Variants in PHACTR1 observed in about 807,000 individuals in gnomAD.
The protein encoded by PHACTR1 is RPEL repeat containing 1.
PHACTR1 carries 16 observed loss-of-function variants against 69.2 expected under a neutral mutation model. The observed-to-expected ratio is 0.23, with a 90% CI of 0.16 to 0.35. The LOEUF (loss-of-function observed/expected upper bound fraction) is 0.35. Ranked by LOEUF, PHACTR1 falls within the 10% of genes least tolerant of loss-of-function variation. The probability of loss-of-function intolerance (pLI) is 1.00; values close to 1 mark genes in which losing one functional copy is unlikely to be tolerated. For missense variants in PHACTR1, 510 were observed against 734.7 expected (o/e 0.69, Z 3.54); for synonymous variants, 312 against 284.5 (o/e 1.10, Z -0.97).
chr6:13,175,763 C>A (rs1761234547), intron 6 of PHACTR1, among the ~76,000 whole-genome samples: 1 of 152,190 alleles, frequency 6.6e-6, no homozygotes, highest in South Asian at 2.1e-4. Context: ...TCTGAACCAT[C>A]TTCTGTCTCT....
At position 13,169,556 on chromosome 6, in the gene PHACTR1, A is replaced by G. The variant is rs1280466055; in HGVS notation, c.496+9272A>G. ...GAGTAAGAAGGACCCTCAAAAACTA[A>G]GAAGTGGTCAAAAAATAGGAGGTCA... On this transcript the variant is annotated intron_variant, in intron 6 of 14. Transcript: ENST00000332995. Among the ~76,000 whole-genome samples the G allele has an allele frequency of 2.0e-5, 3 of 152,200 alleles. No homozygotes were observed. The South Asian group carries it at 6.2e-4, about 32-fold the overall frequency.
intron 5 of PHACTR1, among the ~76,000 whole-genome samples, chr6:13,091,878 A>G (rs1485391383): frequency 6.6e-6 from 1 of 152,058 alleles, no homozygotes; most frequent in Admixed American, 6.5e-5. Context: ...GCTCACTGCA[A>G]CCTCTGCCTC....
intron 4 of PHACTR1, among the ~76,000 whole-genome samples, chr6:12,897,603 A>G (rs1046971154): frequency 6.6e-6 from 1 of 151,988 alleles, no homozygotes; most frequent in African/African-American, 2.4e-5. Context: ...TATATCCTCA[A>G]TTTGGCTGTA....
intron 5 of PHACTR1, among the ~76,000 whole-genome samples, chr6:13,126,354 C>T (rs1247669476): frequency 6.6e-6 from 1 of 152,116 alleles, no homozygotes; most frequent in Non-Finnish European, 1.5e-5. Context: ...TCACTATTTA[C>T]TTCTTAAAAT....
At chr6:12,795,342 T>G (rs1772840997) in intron 4 of PHACTR1, among the ~76,000 whole-genome samples, 1 of 152,226 alleles carries the variant, frequency 6.6e-6, no homozygotes, top group South Asian at 2.1e-4. Flanking sequence ...CTCGGGTAAC[T>G]AGCTGTGTCA....
intron 4 of PHACTR1, among the ~76,000 whole-genome samples, chr6:13,042,048 TAA>T (rs1307581492): frequency 2.0e-5 from 3 of 152,328 alleles, no homozygotes; most frequent in Non-Finnish European, 4.4e-5. Context: ...GTGATTAAAT[TAA>T]GTTTGGAAAA....
intron 6 of PHACTR1, among the ~76,000 whole-genome samples, chr6:13,174,359 C>T (rs547892109): frequency 2.2e-4 from 33 of 152,324 alleles, no homozygotes; most frequent in African/African-American, 7.5e-4. Flanking sequence ...CTAACTATAG[C>T]CATAGGTGAT....
At chr6:12,983,052 TGAGAACAAAAC>T (rs982354954) in intron 4 of PHACTR1, among the ~76,000 whole-genome samples, 64 of 152,364 alleles carry the variant, frequency 4.2e-4, no homozygotes, top group African/African-American at 1.2e-3. Context: ...GTAGAAAAGC[TGAGAACAAAAC>T]CAATGCTTGA....
chr6:12,905,251 G>A (rs1177095070), intron 4 of PHACTR1, among the ~76,000 whole-genome samples: 1 of 152,218 alleles, frequency 6.6e-6, no homozygotes, highest in East Asian at 1.9e-4. Context: ...CTCATAGGAA[G>A]TCAAAGGTTT....
At chr6:13,029,581 T>C (rs1802169290) in intron 4 of PHACTR1, among the ~76,000 whole-genome samples, 1 of 152,128 alleles carries the variant, frequency 6.6e-6, no homozygotes, top group Non-Finnish European at 1.5e-5. Flanking sequence ...GCTACAAAAA[T>C]AGATGGAGGA....
At chr6:13,064,600 ATATATCTATATATC>A (rs1450532170) in intron 5 of PHACTR1, among the ~76,000 whole-genome samples, 118 of 7,510 alleles carry the variant, frequency 0.016, 13 homozygotes, top group South Asian at 0.034. Context: ...ATATATATAT[ATATATCTATATATC>A]TATCTATCCA....
At chr6:12,962,982 A>G (rs1792941587) in intron 4 of PHACTR1, among the ~76,000 whole-genome samples, 1 of 152,214 alleles carries the variant, frequency 6.6e-6, no homozygotes, top group Non-Finnish European at 1.5e-5. Context: ...ACCTCAGCAC[A>G]TGCATGCACA....
chr6:13,130,821 C>T (rs1820291250), intron 5 of PHACTR1, among the ~76,000 whole-genome samples: 1 of 152,040 alleles, frequency 6.6e-6, no homozygotes, highest in Admixed American at 6.5e-5. Flanking sequence ...GCCAGTATCA[C>T]TCTAATTCCA....
At chr6:13,257,625 G>T (rs429029) in intron 10 of PHACTR1, among the ~76,000 whole-genome samples, 23,084 of 152,116 alleles carry the variant, frequency 0.15, 2,315 homozygotes, top group Admixed American at 0.26. Flanking sequence ...CAAATCTCAC[G>T]TTTTCCCTTG....
At chr6:13,259,654 T>C (rs1775643714) in intron 10 of PHACTR1, among the ~76,000 whole-genome samples, 1 of 152,214 alleles carries the variant, frequency 6.6e-6, no homozygotes, top group Admixed American at 6.5e-5. Flanking sequence ...TAGATGTCAT[T>C]ATGACCATTT....
intron 3 of PHACTR1, among the ~76,000 whole-genome samples, chr6:12,748,343 G>C (rs561504958): frequency 6.6e-6 from 1 of 152,142 alleles, no homozygotes; most frequent in Non-Finnish European, 1.5e-5. Flanking sequence ...AGTGGAGAGG[G>C]GGGGCTTGCA....
rs950898960 is a variant in PHACTR1, at chr6:13,286,051, TGAA to T, written c.1651-88_1651-86del. ...CCATCTTAAACTTGTTTGTCTTTGT[TGAA>T]GAAGAAAAATATGTTGTTAGGAATG... On this transcript the variant is annotated intron_variant, in intron 13 of 14. Transcript: ENST00000332995. 1.4e-5 allele frequency: 15 copies of T among 1,058,980 alleles called. No homozygotes were observed. The African/African-American group carries it at 1.8e-4, about 13-fold the overall frequency. 65.6% of individuals were successfully genotyped at this position (1,058,980 alleles called of 1,614,324 possible). A position where few individuals can be genotyped will look rare whatever the true frequency, so the allele number is the denominator to read the frequency against.
chr6:12,983,669 T>C (rs1795784210), intron 4 of PHACTR1, among the ~76,000 whole-genome samples: 1 of 152,132 alleles, frequency 6.6e-6, no homozygotes, highest in South Asian at 2.1e-4. Flanking sequence ...TTACATTAGG[T>C]ATATCTCCCA....
intron 4 of PHACTR1, among the ~76,000 whole-genome samples, chr6:13,019,821 C>A (rs1800710429): frequency 6.6e-6 from 1 of 152,098 alleles, no homozygotes; most frequent in African/African-American, 2.4e-5. Context: ...GTTTCCTAGC[C>A]CTAAACTTCA....
Sources: allele counts gnomAD v4.1 joint callset (sites outside exome capture counted in the v4.1 genomes callset), GRCh38; gene constraint gnomAD v4.1.1; transcripts MANE v1.5; gene names NCBI Gene and HGNC (gene_info 2026-07-23, HGNC 2026-07-21).